The following CNTN4 variants were observed in gnomAD, a reference collection of about 807,000 sequenced individuals.
CNTN4 encodes contactin 4.
CNTN4 carries 77 observed loss-of-function variants against 122.5 expected under a neutral mutation model. That is an observed-to-expected ratio of 0.63 (90% confidence interval 0.52 to 0.76). CNTN4 has a LOEUF of 0.76. Ranked by LOEUF, CNTN4 falls within the 30% of genes least tolerant of loss-of-function variation. CNTN4 has a pLI of 0.00. For synonymous variants in CNTN4, 512 were observed against 447.0 expected (o/e 1.15, Z -1.83); for missense variants, 1,256 against 1,259.1 (o/e 1.00, Z 0.04).
At chr3:2,400,788 G>C (rs918564800) in intron 3 of CNTN4, among the ~76,000 whole-genome samples, 8 of 151,060 alleles carry the variant, frequency 5.3e-5, no homozygotes, top group African/African-American at 1.9e-4. Context: ...AAAGACATTT[G>C]GATTATGCTG....
intron 3 of CNTN4, among the ~76,000 whole-genome samples, chr3:2,434,822 C>T (rs1000552697): frequency 6.6e-6 from 1 of 152,130 alleles, no homozygotes; most frequent in Non-Finnish European, 1.5e-5. Context: ...GAGCATCACT[C>T]CTGCCTCTTC....
At chr3:2,707,365 G>A (rs2675299) in intron 4 of CNTN4, among the ~76,000 whole-genome samples, 9,614 of 151,324 alleles carry the variant, frequency 0.064, 349 homozygotes, top group South Asian at 0.12. Flanking sequence ...ATATCCTTGT[G>A]GTTTGTTTTT....
At chr3:2,102,494 C>A (rs923188062) in intron 2 of CNTN4, among the ~76,000 whole-genome samples, 1 of 152,102 alleles carries the variant, frequency 6.6e-6, no homozygotes, top group African/African-American at 2.4e-5. Flanking sequence ...GGGATACTGC[C>A]TCAGATGTGA....
At position 2,440,328 on chromosome 3, in the gene CNTN4, C is replaced by G. The variant is rs1246708307; in HGVS notation, c.-89+101095C>G. On this transcript the variant is annotated intron_variant, in intron 3 of 24. Transcript: ENST00000418658. ...AGCTGATGGATTAAGTCACACTGACCTCAGATCCATTAACTGACACAACTT... is the reference window on the plus strand; with the variant it reads ...AGCTGATGGATTAAGTCACACTGACGTCAGATCCATTAACTGACACAACTT... Among the ~76,000 whole-genome samples the G allele has an allele frequency of 2.6e-5, 4 of 152,140 alleles. No homozygotes were observed. The East Asian group carries it at 7.7e-4, about 29-fold the overall frequency.
chr3:2,386,400 A>G (rs1022094611), intron 3 of CNTN4, among the ~76,000 whole-genome samples: 4 of 152,210 alleles, frequency 2.6e-5, no homozygotes, highest in African/African-American at 7.2e-5. Flanking sequence ...ACTTCAGACA[A>G]CAAAGAATGC....
intron 3 of CNTN4, among the ~76,000 whole-genome samples, chr3:2,368,713 T>G (rs1259102959): frequency 6.6e-6 from 1 of 152,142 alleles, no homozygotes; most frequent in Non-Finnish European, 1.5e-5. Flanking sequence ...AATCTCTGAC[T>G]GCATTAGGAG....
intron 4 of CNTN4, among the ~76,000 whole-genome samples, chr3:2,732,750 T>C (rs905716969): frequency 9.9e-5 from 15 of 152,282 alleles, no homozygotes; most frequent in South Asian, 8.3e-4. Flanking sequence ...TTGTTAACCC[T>C]GGTCCGAAGG....
At chr3:3,009,232 G>A (rs1489767681) in intron 14 of CNTN4, among the ~76,000 whole-genome samples, 2 of 152,128 alleles carry the variant, frequency 1.3e-5, no homozygotes, top group Non-Finnish European at 2.9e-5. Flanking sequence ...TCTCTGGGAG[G>A]CCAGCCTACA....
chr3:2,360,686 T>C (rs576037209), intron 3 of CNTN4, among the ~76,000 whole-genome samples: 24 of 152,154 alleles, frequency 1.6e-4, no homozygotes, highest in African/African-American at 4.8e-4. Flanking sequence ...GGAAGGAGAA[T>C]TCCCAAGTAA....
intron 2 of CNTN4, among the ~76,000 whole-genome samples, chr3:2,144,817 G>A (rs1215349795): frequency 3.9e-5 from 6 of 152,136 alleles, no homozygotes; most frequent in Non-Finnish European, 8.8e-5. Context: ...AGCTTCTTAA[G>A]AGAAAAATCT....
chr3:2,453,979 A>G (rs796209732), intron 3 of CNTN4, among the ~76,000 whole-genome samples: 1 of 152,098 alleles, frequency 6.6e-6, no homozygotes, highest in African/African-American at 2.4e-5. Context: ...AAAAATATTG[A>G]AGTGATTTCT....
At position 2,611,297 on chromosome 3, in the gene CNTN4, C is replaced by CAAAAAAAAAAA. The variant is rs201162114; in HGVS notation, c.55+39744_55+39754dup. Reference sequence around the variant, plus strand: ...CAAAAGTACTCACAGCACCTGGAACCAAAAAAAAAAAAAAAGAAAGAAAGA... The same window carrying CAAAAAAAAAAA: ...CAAAAGTACTCACAGCACCTGGAACCAAAAAAAAAAAAAAAAAAAAAAAAAAGAAAGAAAGA... On this transcript the variant is annotated intron_variant, in intron 4 of 24. Coordinates refer to ENST00000418658, the MANE Select transcript of CNTN4 (RefSeq NM_175607.3). Among the ~76,000 whole-genome samples the CAAAAAAAAAAA allele has an allele frequency of 8.2e-3, 503 of 61,560 alleles. 5 individuals are homozygous for CAAAAAAAAAAA. The highest frequency in any genetic ancestry group is 0.016 in the African/African-American group (185 of 11,258). 40.4% of individuals were successfully genotyped at this position (61,560 alleles called of 152,430 possible).
chr3:2,734,560 C>T (rs1439471874), intron 4 of CNTN4, among the ~76,000 whole-genome samples: 4 of 152,126 alleles, frequency 2.6e-5, no homozygotes, highest in South Asian at 2.1e-4. Context: ...GATCGTGGGC[C>T]GTCCTCAGTC....
At chr3:2,151,582 C>T (rs10470647) in intron 2 of CNTN4, among the ~76,000 whole-genome samples, 5,746 of 152,104 alleles carry the variant, frequency 0.038, 385 homozygotes, top group African/African-American at 0.13. Flanking sequence ...AAACTCATGT[C>T]GAAATTTAAT....
At chr3:2,629,790 G>A (rs1408842478) in intron 4 of CNTN4, among the ~76,000 whole-genome samples, 2 of 152,048 alleles carry the variant, frequency 1.3e-5, no homozygotes, top group African/African-American at 4.8e-5. Context: ...TTTCTAAAGG[G>A]GAATCTTGTA....
intron 3 of CNTN4, among the ~76,000 whole-genome samples, chr3:2,404,280 C>T (rs998947494): frequency 7.2e-5 from 11 of 152,110 alleles, no homozygotes; most frequent in Non-Finnish European, 1.5e-4. Flanking sequence ...ACAGCAAGGT[C>T]GTGACAGGCC....
At chr3:3,008,941 C>A (rs547722188) in intron 14 of CNTN4, 14 of 985,222 alleles carry the variant, frequency 1.4e-5, no homozygotes, top group Non-Finnish European at 1.7e-5. Flanking sequence ...AAAAGAAGGG[C>A]GCCAAACCTT....
chr3:2,959,511 T>C (rs574323056), intron 13 of CNTN4, among the ~76,000 whole-genome samples: 1 of 152,228 alleles, frequency 6.6e-6, no homozygotes, highest in African/African-American at 2.4e-5. Context: ...AAAAAAATCA[T>C]TGAGGAGCTT....
At chr3:2,485,956 T>G (rs1480103471) in intron 3 of CNTN4, among the ~76,000 whole-genome samples, 1 of 152,132 alleles carries the variant, frequency 6.6e-6, no homozygotes, top group Non-Finnish European at 1.5e-5. Context: ...CCCGCGCAGG[T>G]GCCCTTCCAC....
Sources: allele counts gnomAD v4.1 joint callset (sites outside exome capture counted in the v4.1 genomes callset), GRCh38; gene constraint gnomAD v4.1.1; transcripts MANE v1.5; gene names NCBI Gene and HGNC (gene_info 2026-07-23, HGNC 2026-07-21).